CARMIL1: variants seen among roughly 807,000 people sequenced by gnomAD.
The protein encoded by CARMIL1 is F-actin-uncapping protein LRRC16A.
Under a neutral mutation model 177.1 loss-of-function variants are expected in CARMIL1, and 90 were observed. That is an observed-to-expected ratio of 0.51 (90% confidence interval 0.43 to 0.61). CARMIL1 has a LOEUF of 0.61. Among genes scored for constraint, CARMIL1 ranks in the 20% least tolerant of loss-of-function variants. The pLI, the probability that CARMIL1 is intolerant of heterozygous loss-of-function variation, is 0.00. For missense variants in CARMIL1, 1,380 were observed against 1,667.0 expected, an observed-to-expected ratio of 0.83 and a Z score of 3.00; for synonymous variants, 577 against 606.2, an observed-to-expected ratio of 0.95 and a Z score of 0.71.
At chr6:25,300,761 G>A (rs1561954145) in intron 2 of CARMIL1, among the ~76,000 whole-genome samples, 2 of 152,170 alleles carry the variant, frequency 1.3e-5, no homozygotes, top group South Asian at 2.1e-4. Context: ...AGCCCTTCAG[G>A]TCATTTTGAT....
At chr6:25,314,537 TATACATACAC>T (rs1784120354) in intron 2 of CARMIL1, among the ~76,000 whole-genome samples, 1 of 151,802 alleles carries the variant, frequency 6.6e-6, no homozygotes, top group Non-Finnish European at 1.5e-5. Flanking sequence ...CATATATACG[TATACATACAC>T]ATACATATAT....
At chr6:25,400,592 AT>A (rs1793806256) in intron 2 of CARMIL1, among the ~76,000 whole-genome samples, 1 of 152,204 alleles carries the variant, frequency 6.6e-6, no homozygotes, top group African/African-American at 2.4e-5. Context: ...AAGACTGGGA[AT>A]TTTTTGAATT....
At position 25,440,074 on chromosome 6, in the gene CARMIL1, C is replaced by T. The variant is rs58076848; in HGVS notation, c.371+4470C>T. Reference sequence around the variant, plus strand: ...CCTAGTTCTTGGCACATAGTAGGTACTGACTGAGGTTTTGGATGAGCACAT... The same window carrying T: ...CCTAGTTCTTGGCACATAGTAGGTATTGACTGAGGTTTTGGATGAGCACAT... On this transcript the variant is annotated intron_variant, in intron 5 of 36. Transcript: ENST00000329474. 5.0e-3 allele frequency among the ~76,000 whole-genome samples: 765 copies of T among 152,290 alleles called. 3 individuals are homozygous for T. Among genetic ancestry groups the T allele is most frequent in the African/African-American group, 0.016 (684 of 41,554 alleles).
At chr6:25,321,634 T>G (rs1329766298) in intron 2 of CARMIL1, among the ~76,000 whole-genome samples, 2 of 151,964 alleles carry the variant, frequency 1.3e-5, no homozygotes, top group Non-Finnish European at 2.9e-5. Context: ...TTAATTAATT[T>G]TATTTATTTC....
Position 25,465,965 on chromosome 6 carries a change from G to C in CARMIL1, c.690+17G>C, listed in dbSNP as rs1800561043. The C allele has an allele frequency of 6.4e-7, 1 of 1,572,538 alleles. No homozygotes were observed. The highest frequency in any genetic ancestry group is 1.3e-5 in the African/African-American group (1 of 74,112). ...CTAAAACTGGTAAGTAATCAAACATGCAGCAAATGTTGCTTGGCTTTGCTG... is the reference window on the plus strand; with the variant it reads ...CTAAAACTGGTAAGTAATCAAACATCCAGCAAATGTTGCTTGGCTTTGCTG... On this transcript the variant is annotated intron_variant, in intron 9 of 36. Coordinates refer to ENST00000329474, the MANE Select transcript of CARMIL1 (RefSeq NM_017640.6).
intron 17 of CARMIL1, among the ~76,000 whole-genome samples, chr6:25,503,967 C>T (rs1043140009): frequency 5.9e-5 from 9 of 151,964 alleles, no homozygotes; most frequent in African/African-American, 2.2e-4. Flanking sequence ...ATGTGGGCTC[C>T]GTAAGAGCTC....
chr6:25,473,131 G>A lies in CARMIL1; in HGVS notation c.874+610G>A, dbSNP rs138621819. On this transcript the variant is annotated intron_variant, in intron 11 of 36. Transcript: ENST00000329474. ...CACAACACAGAAGTTTGCTTTGTGT[G>A]TGAGGCCAGCTGGAGTACATCTCTC... 2.4e-3 allele frequency among the ~76,000 whole-genome samples: 359 copies of A among 152,306 alleles called. 3 individuals carry two copies. The highest frequency in any genetic ancestry group is 0.014 in the Middle Eastern group (4 of 294).
At chr6:25,469,813 C>T (rs1476705518) in intron 9 of CARMIL1, among the ~76,000 whole-genome samples, 1 of 152,136 alleles carries the variant, frequency 6.6e-6, no homozygotes, top group Admixed American at 6.6e-5. Flanking sequence ...AATCTGCCTT[C>T]CTCAGTTTCC....
intron 5 of CARMIL1, among the ~76,000 whole-genome samples, chr6:25,446,230 G>A (rs1798222251): frequency 6.6e-6 from 1 of 152,178 alleles, no homozygotes; most frequent in South Asian, 2.1e-4. Context: ...TTTGAAGCCT[G>A]CCATTGACTT....
intron 2 of CARMIL1, among the ~76,000 whole-genome samples, chr6:25,367,679 T>G (rs1789969097): frequency 6.6e-6 from 1 of 152,152 alleles, no homozygotes; most frequent in Admixed American, 6.5e-5. Flanking sequence ...TTGAGACAGG[T>G]TCCCATGTGT....
chr6:25,292,882 A>G (rs1312830852), intron 2 of CARMIL1, among the ~76,000 whole-genome samples: 1 of 152,198 alleles, frequency 6.6e-6, no homozygotes, highest in Non-Finnish European at 1.5e-5. Flanking sequence ...TCTAATCAAA[A>G]TATGGAATGA....
chr6:25,303,744 G>T (rs1561957698), intron 2 of CARMIL1, among the ~76,000 whole-genome samples: 2 of 152,200 alleles, frequency 1.3e-5, no homozygotes, highest in South Asian at 4.1e-4. Flanking sequence ...TAAATAACGG[G>T]TGAACAACAC....
intron 2 of CARMIL1, among the ~76,000 whole-genome samples, chr6:25,346,207 G>T (rs745450544): frequency 1.3e-5 from 2 of 152,098 alleles, no homozygotes; most frequent in African/African-American, 2.4e-5. Flanking sequence ...GCTGTGGTGT[G>T]CCCTAGCCCT....
At chr6:25,528,933 A>G (rs1369960998) in intron 24 of CARMIL1, 40 bp downstream of exon 24, 5 of 1,480,586 alleles carry the variant, frequency 3.4e-6, no homozygotes, top group Non-Finnish European at 4.7e-6. Context: ...TTCTATTCTT[A>G]ACTGACCCTC....
chr6:25,433,819 C>T (rs1797010640), intron 4 of CARMIL1, among the ~76,000 whole-genome samples: 2 of 152,126 alleles, frequency 1.3e-5, no homozygotes, highest in Admixed American at 1.3e-4. Flanking sequence ...ATATCCTTTT[C>T]TTTGATCTCA....
At chr6:25,420,350 G>GTT in intron 3 of CARMIL1, 186 bp downstream of exon 3, 2 of 606,688 alleles carry the variant, frequency 3.3e-6, no homozygotes, top group Non-Finnish European at 5.8e-6. Flanking sequence ...GCACATTCAA[G>GTT]TTTTCCTTCC....
intron 2 of CARMIL1, among the ~76,000 whole-genome samples, chr6:25,352,706 A>T (rs1788227882): frequency 6.6e-6 from 1 of 152,166 alleles, no homozygotes; most frequent in Non-Finnish European, 1.5e-5. Flanking sequence ...ACTAAATAGA[A>T]GGCAAGTCTT....
chr6:25,346,444 C>T (rs978741540), intron 2 of CARMIL1, among the ~76,000 whole-genome samples: 1 of 152,214 alleles, frequency 6.6e-6, no homozygotes, highest in African/African-American at 2.4e-5. Flanking sequence ...TCAAATGTCA[C>T]TTTTTCAGTG....
chr6:25,465,985 T>A, intron 9 of CARMIL1, 37 bp downstream of exon 9: 1 of 1,493,626 alleles, frequency 6.7e-7, no homozygotes, highest in Non-Finnish European at 9.3e-7. Flanking sequence ...TTGCTTGGCT[T>A]TGCTGAATTT....
Sources: allele counts gnomAD v4.1 joint callset (sites outside exome capture counted in the v4.1 genomes callset), GRCh38; gene constraint gnomAD v4.1.1; transcripts MANE v1.5; gene names NCBI Gene and HGNC (gene_info 2026-07-23, HGNC 2026-07-21).